PTPRT: variants seen among roughly 807,000 people sequenced by gnomAD.
PTPRT encodes protein tyrosine phosphatase receptor type T.
PTPRT carries 56 observed loss-of-function variants against 176.8 expected under a neutral mutation model. The ratio of observed to expected loss-of-function variants is 0.32; its 90% CI spans 0.26 to 0.40. The LOEUF (loss-of-function observed/expected upper bound fraction) is 0.40, where lower values mean the gene tolerates loss of function less well. Ranked by LOEUF, PTPRT falls within the 10% of genes least tolerant of loss-of-function variation. The pLI, the probability that PTPRT is intolerant of heterozygous loss-of-function variation, is 1.00. For missense variants in PTPRT, 1,540 were observed against 1,908.2 expected (o/e 0.81, Z 3.60); for synonymous variants, 783 against 739.0 (o/e 1.06, Z -0.96).
intron 7 of PTPRT, among the ~76,000 whole-genome samples, chr20:42,586,109 T>C (rs565827570): frequency 6.6e-6 from 1 of 152,260 alleles, no homozygotes; most frequent in South Asian, 2.1e-4. Context: ...CATAAAAGGA[T>C]TACCAGCGAT....
chr20:42,923,304 C>G (rs1488194286), intron 1 of PTPRT, among the ~76,000 whole-genome samples: 2 of 152,126 alleles, frequency 1.3e-5, no homozygotes, highest in Non-Finnish European at 2.9e-5. Flanking sequence ...CTGAAGGCAT[C>G]CAAAAGCAAT....
intron 23 of PTPRT, among the ~76,000 whole-genome samples, chr20:42,109,349 G>T (rs1163483534): frequency 6.6e-6 from 1 of 152,128 alleles, no homozygotes; most frequent in Non-Finnish European, 1.5e-5. Context: ...ATGCCAGCTG[G>T]CCAGCCTTCA....
chr20:42,537,171 G>C (rs1043553934), intron 7 of PTPRT, among the ~76,000 whole-genome samples: 2 of 152,012 alleles, frequency 1.3e-5, no homozygotes, highest in African/African-American at 4.8e-5. Context: ...AGGTTTTACA[G>C]ATATATATAC....
chr20:42,720,363 G>T (rs937138723), intron 6 of PTPRT, among the ~76,000 whole-genome samples: 1 of 152,200 alleles, frequency 6.6e-6, no homozygotes, highest in African/African-American at 2.4e-5. Context: ...TCACATGGTT[G>T]TGTCTGACTG....
intron 17 of PTPRT, among the ~76,000 whole-genome samples, chr20:42,149,612 C>T (rs558127791): frequency 2.7e-4 from 41 of 152,032 alleles, no homozygotes; most frequent in African/African-American, 8.2e-4. Context: ...TTAATAGAGA[C>T]GGGGTTTCTC....
chr20:42,127,123 G>A (rs969838669), intron 19 of PTPRT, among the ~76,000 whole-genome samples: 4 of 152,244 alleles, frequency 2.6e-5, no homozygotes, highest in Non-Finnish European at 5.9e-5. Context: ...GGGCAACCCA[G>A]AGATCAGGGA....
In PTPRT at chr20:42,633,413, T is replaced by A. The variant is rs181809796; in HGVS notation, c.1153+44453A>T. Among the ~76,000 whole-genome samples the A allele has an allele frequency of 1.3e-3, 204 of 152,166 alleles. 4 individuals carry two copies. The highest frequency in any genetic ancestry group is 0.011 in the Admixed American group (169 of 15,284). On this transcript the variant is annotated intron_variant, in intron 7 of 30. Transcript: ENST00000373187. ...ATCATAGTTTTTAAGAAATGTACAC[T>A]GCATAGCTAGATAGCATAGCAGTGT... is the stretch of plus-strand genomic sequence containing the variant.
chr20:42,970,714 T>C (rs910746388), intron 1 of PTPRT: 1 of 152,250 alleles, frequency 6.6e-6, no homozygotes, highest in South Asian at 2.1e-4. Context: ...TTTTAACTTC[T>C]CTGAAATTGG....
chr20:42,472,327 C>G lies in PTPRT; in HGVS notation c.1389G>C (p.Leu463Phe), dbSNP rs780812254. 1.2e-6 allele frequency: 2 copies of G among 1,614,098 alleles called. No individual in the cohort carries two copies. The highest frequency in any genetic ancestry group is 1.7e-6 in the Non-Finnish European group (2 of 1,180,052). ...CCATTCGGCCCTCGGGGTTAGACAG[C>G]AAGAGTCGCAGCCGGATGGTCATGA... Reference protein sequence around the residue: ...RPFMTIRLRLLLSNPEGRMES... With the variant: ...RPFMTIRLRLFLSNPEGRMES... The change falls in exon 8 of 31, where the codon TTG becomes TTC. Residue 463 changes from leucine (L) to phenylalanine (F), a missense_variant. Physicochemically the swap from Leu to Phe is conservative, Grantham distance 22. Around this residue, in one of 11 missense-constraint regions of PTPRT, gnomAD observed 79 missense variants for 80.0 expected, o/e 0.99. Coordinates refer to ENST00000373187, the MANE Select transcript of PTPRT (RefSeq NM_007050.6).
At chr20:42,526,743 A>T (rs1392548667) in intron 7 of PTPRT, among the ~76,000 whole-genome samples, 1 of 151,970 alleles carries the variant, frequency 6.6e-6, no homozygotes, top group East Asian at 1.9e-4. Context: ...GTTGAGTCCT[A>T]CTTGAATCAG....
At chr20:42,767,409 T>C (rs2076998005) in intron 5 of PTPRT, among the ~76,000 whole-genome samples, 1 of 152,074 alleles carries the variant, frequency 6.6e-6, no homozygotes, top group Non-Finnish European at 1.5e-5. Flanking sequence ...GTTGGAACAG[T>C]GGTCTTCTCC....
intron 6 of PTPRT, among the ~76,000 whole-genome samples, chr20:42,685,220 C>G (rs2075671764): frequency 6.6e-6 from 1 of 152,170 alleles, no homozygotes; most frequent in African/African-American, 2.4e-5. Context: ...AGAAAAAATG[C>G]TCTCAGTTTC....
chr20:42,374,015 G>C (rs947645123), intron 9 of PTPRT, among the ~76,000 whole-genome samples: 19 of 152,170 alleles, frequency 1.2e-4, no homozygotes, highest in African/African-American at 3.9e-4. Flanking sequence ...CAGGGAGGTG[G>C]GAGCAGAGAG....
At chr20:42,479,188 T>G (rs1355661551) in intron 7 of PTPRT, among the ~76,000 whole-genome samples, 8 of 152,214 alleles carry the variant, frequency 5.3e-5, no homozygotes, top group African/African-American at 1.9e-4. Context: ...CAAAACAGAT[T>G]TTCAATTCAT....
At chr20:42,672,792 C>T (rs2146044051) in intron 7 of PTPRT, among the ~76,000 whole-genome samples, 1 of 152,212 alleles carries the variant, frequency 6.6e-6, no homozygotes, top group Middle Eastern at 3.4e-3. Context: ...TAATCAGTGA[C>T]CTCTCAAAAC....
intron 1 of PTPRT, among the ~76,000 whole-genome samples, chr20:43,073,404 C>T (rs1188018659): frequency 6.6e-6 from 1 of 151,754 alleles, no homozygotes; most frequent in Non-Finnish European, 1.5e-5. Context: ...AATCATGCAT[C>T]CTCAAATCTT....
chr20:42,137,544 C>A (rs1988434470), intron 18 of PTPRT, among the ~76,000 whole-genome samples: 1 of 152,146 alleles, frequency 6.6e-6, no homozygotes, highest in South Asian at 2.1e-4. Context: ...CCCTGGCAGG[C>A]AAGAGACCAC....
intron 1 of PTPRT, among the ~76,000 whole-genome samples, chr20:43,054,618 C>T (rs900869092): frequency 2.0e-5 from 3 of 150,024 alleles, no homozygotes; most frequent in Non-Finnish European, 3.0e-5. Context: ...CCTCCCAAAT[C>T]TGAGCTTTTA....
At chr20:42,800,450 A>G (rs1445292943) in intron 2 of PTPRT, among the ~76,000 whole-genome samples, 2 of 152,220 alleles carry the variant, frequency 1.3e-5, no homozygotes, top group East Asian at 3.8e-4. Flanking sequence ...AAAGAGAACA[A>G]CAGGGCTGCT....
Sources: gnomAD v4.1 joint callset for allele counts (sites outside exome capture counted in the v4.1 genomes callset) on GRCh38, gnomAD v4.1.1 for gene constraint, gnomAD v4.1.1 regional missense constraint, MANE v1.5 for transcripts, NCBI Gene and HGNC (gene_info 2026-07-23, HGNC 2026-07-21) for gene names.